The following MPP7 variants were observed in gnomAD, a reference collection of about 807,000 sequenced individuals.
The protein encoded by MPP7 is MAGUK p55 scaffold protein 7, also known as MAGUK p55 subfamily member 7.
Under a neutral mutation model 76.5 loss-of-function variants are expected in MPP7, and 60 were observed. That is an observed-to-expected ratio of 0.78 (90% CI 0.64 to 0.97). The LOEUF is 0.97. Among genes scored for constraint, MPP7 ranks in the 50% least tolerant of loss-of-function variants. The pLI is 0.00. For missense variants in MPP7, 641 were observed against 694.0 expected, an observed-to-expected ratio of 0.92 and a Z score of 0.86; for synonymous variants, 237 against 244.5, an observed-to-expected ratio of 0.97 and a Z score of 0.29.
intron 3 of MPP7, among the ~76,000 whole-genome samples, chr10:28,196,122 A>T (rs1017942040): frequency 6.6e-6 from 1 of 152,196 alleles, no homozygotes; most frequent in African/African-American, 2.4e-5. Context: ...CCTGCATTTT[A>T]TCTGGCACCC....
chr10:28,123,451 G>C (rs1005517175), intron 8 of MPP7, among the ~76,000 whole-genome samples: 3 of 149,764 alleles, frequency 2.0e-5, no homozygotes, highest in Admixed American at 6.7e-5. Flanking sequence ...GACAGGGACA[G>C]GTACTAAATT....
chr10:28,141,140 C>T (rs1835503533), intron 5 of MPP7, among the ~76,000 whole-genome samples: 1 of 151,942 alleles, frequency 6.6e-6, no homozygotes. Context: ...AAAAAAGTTT[C>T]TATGATCACT....
chr10:28,321,733 T>G (rs889998431), intron 2 of MPP7, among the ~76,000 whole-genome samples: 20 of 152,064 alleles, frequency 1.3e-4, no homozygotes, highest in African/African-American at 4.3e-4. Context: ...TACAAGCATG[T>G]GCCACCACAC....
At chr10:28,173,483 G>A (rs4309056) in intron 3 of MPP7, among the ~76,000 whole-genome samples, 89,710 of 151,970 alleles carry the variant, frequency 0.59, 27,893 homozygotes, top group Middle Eastern at 0.75. Flanking sequence ...GCACAATACT[G>A]CAGTAACATG....
intron 2 of MPP7, among the ~76,000 whole-genome samples, chr10:28,223,303 T>C (rs1320674371): frequency 6.6e-6 from 1 of 152,198 alleles, no homozygotes; most frequent in Non-Finnish European, 1.5e-5. Context: ...TGAGCTCGAA[T>C]CTTCTGAGGA....
At chr10:28,330,362 C>G (rs1834460031) in intron 1 of MPP7, among the ~76,000 whole-genome samples, 1 of 152,146 alleles carries the variant, frequency 6.6e-6, no homozygotes, top group Non-Finnish European at 1.5e-5. Flanking sequence ...TCCAAAATGT[C>G]TAAAATAGGC....
At chr10:28,147,690 A>C in intron 4 of MPP7, 127 bp from the exon 5 acceptor site, 1 of 764,396 alleles carries the variant, frequency 1.3e-6, no homozygotes, top group Non-Finnish European at 2.2e-6. Context: ...AGGTCAGCAT[A>C]AAAGAAAACA....
intron 1 of MPP7, among the ~76,000 whole-genome samples, chr10:28,280,332 T>A (rs1840631972): frequency 6.6e-6 from 1 of 152,030 alleles, no homozygotes; most frequent in African/African-American, 2.4e-5. Context: ...CCTGTGCATA[T>A]CCTCCTGCAC....
intron 2 of MPP7, among the ~76,000 whole-genome samples, chr10:28,326,265 A>G (rs1589049452): frequency 6.6e-6 from 1 of 152,336 alleles, no homozygotes; most frequent in East Asian, 1.9e-4. Flanking sequence ...TGTCACCAAA[A>G]GACCTTTAGG....
intron 11 of MPP7, among the ~76,000 whole-genome samples, chr10:28,099,753 G>T (rs1281829065): frequency 1.3e-5 from 2 of 151,934 alleles, no homozygotes; most frequent in Non-Finnish European, 2.9e-5. Flanking sequence ...GTTGTGGTGA[G>T]CCAAGATCGT....
chr10:28,229,895 A>AAAAGAC (rs1554854436), intron 2 of MPP7, among the ~76,000 whole-genome samples: 18 of 150,270 alleles, frequency 1.2e-4, no homozygotes, highest in African/African-American at 3.7e-4. Flanking sequence ...TCTCAAAAAA[A>AAAAGAC]AAAAACAAAA....
intron 1 of MPP7, among the ~76,000 whole-genome samples, chr10:28,239,954 T>G (rs974429685): frequency 2.6e-5 from 4 of 151,420 alleles, no homozygotes; most frequent in Non-Finnish European, 5.9e-5. Flanking sequence ...GTTGTTAGGG[T>G]TTTTTTTTAA....
chr10:28,059,732 C>G lies in MPP7; in HGVS notation c.1216G>C (p.Ala406Pro). Residue 406 changes from alanine (A) to proline (P), a missense_variant, in exon 14 of 17, where the codon GCA (alanine) becomes CCA (proline). Ala to Pro is a conservative substitution (Grantham distance 27). Coordinates refer to ENST00000683449, the MANE Select transcript of MPP7 (RefSeq NM_001318170.2). ...CCATCACTCTCCTGGCTTCTTCTTG[C>G]TCTGGTGGTATCTATGATTTAATGA... The part of the protein sequence containing the change: ...YGVTVPHTTR[A>P]RRSQESDGVE... 1 of 1,611,830 alleles carries G rather than the reference C, an allele frequency of 6.2e-7. No individual in the cohort carries two copies. Among genetic ancestry groups the G allele is most frequent in the Non-Finnish European group, 8.5e-7 (1 of 1,178,310 alleles).
At chr10:28,177,441 T>G (rs983684434) in intron 3 of MPP7, among the ~76,000 whole-genome samples, 6 of 78,502 alleles carry the variant, frequency 7.6e-5, no homozygotes, top group African/African-American at 8.2e-5. Flanking sequence ...CTGATTCACT[T>G]TTGGAGGGTG....
intron 1 of MPP7, among the ~76,000 whole-genome samples, chr10:28,301,230 A>G (rs767773044): frequency 2.0e-5 from 3 of 152,210 alleles, no homozygotes; most frequent in African/African-American, 4.8e-5. Flanking sequence ...AATGCATTAC[A>G]CTTCATTAGT....
chr10:28,268,983 A>C (rs1840236060), intron 1 of MPP7, among the ~76,000 whole-genome samples: 5 of 152,336 alleles, frequency 3.3e-5, no homozygotes, highest in South Asian at 4.1e-4. Context: ...CTCTTCCTTC[A>C]GGAATATTCA....
chr10:28,204,385 G>A (rs1837879476), intron 2 of MPP7, among the ~76,000 whole-genome samples: 1 of 143,466 alleles, frequency 7.0e-6, no homozygotes, highest in Admixed American at 7.3e-5. Context: ...GGAGGTTGGA[G>A]TTAGCCAAGA....
intron 1 of MPP7, among the ~76,000 whole-genome samples, chr10:28,256,816 A>T (rs1839801384): frequency 6.6e-6 from 1 of 152,218 alleles, no homozygotes; most frequent in Admixed American, 6.5e-5. Context: ...TTATATGAGA[A>T]TCTGTGTGTC....
chr10:28,290,152 T>C (rs899676234), intron 1 of MPP7, among the ~76,000 whole-genome samples: 23 of 152,198 alleles, frequency 1.5e-4, no homozygotes, highest in African/African-American at 5.3e-4. Flanking sequence ...TACGCTACTA[T>C]TGATACATAC....
Sources: allele counts gnomAD v4.1 joint callset (sites outside exome capture counted in the v4.1 genomes callset), GRCh38; gene constraint gnomAD v4.1.1; transcripts MANE v1.5; gene names NCBI Gene and HGNC (gene_info 2026-07-23, HGNC 2026-07-21).